The following IGFN1 variants were observed in gnomAD, a reference collection of about 807,000 sequenced individuals.
IGFN1 encodes the protein immunoglobulin-like and fibronectin type III domain-containing protein 1.
In IGFN1, 253 loss-of-function variants were observed where a neutral mutation model predicts 289.5. The ratio of observed to expected loss-of-function variants is 0.87; its 90% CI spans 0.79 to 0.97. The LOEUF is 0.97. Among genes scored for constraint, IGFN1 ranks in the 50% least tolerant of loss-of-function variants. IGFN1 has a pLI of 0.00. For synonymous variants in IGFN1, 1,706 were observed against 1,788.5 expected (o/e 0.95, Z 1.16); for missense variants, 4,470 against 4,686.1 (o/e 0.95, Z 1.35).
chr1:201,227,781 T>C (rs1340548782), intron 23 of IGFN1, among the ~76,000 whole-genome samples: 1 of 152,126 alleles, frequency 6.6e-6, no homozygotes, highest in African/African-American at 2.4e-5. Context: ...CAACTCTTGA[T>C]TGAAGGGCTG....
intron 19 of IGFN1, chr1:201,222,165 T>G (rs958024751): frequency 6.1e-6 from 1 of 164,430 alleles, no homozygotes; most frequent in Non-Finnish European, 1.3e-5. Flanking sequence ...ACGTTCAGAA[T>G]GGGACATGCC....
rs1235207851 is a variant in IGFN1, at chr1:201,212,068, A to G, written c.7175A>G (p.Tyr2392Cys). The stretch of plus-strand genomic sequence containing the variant: ...AAAGCCATGGGTCACAGGTCAGGAT[A>G]TTGGGTAGCATCAGAGGGTGACACG... ...GHKAMGHRSG[Y>C]WVASEGDTNS... The change falls in exon 12 of 24, where the codon TAT becomes TGT. Residue 2392 changes from tyrosine to cysteine, a missense_variant. Transcript: ENST00000335211. The G allele has an allele frequency of 2.0e-6, 3 of 1,536,248 alleles. No homozygotes were observed. The highest frequency in any genetic ancestry group is 2.7e-5 in the African/African-American group (2 of 72,956).
intron 20 of IGFN1, chr1:201,223,248 C>T (rs1012530976): frequency 8.4e-5 from 13 of 153,952 alleles, no homozygotes; most frequent in Non-Finnish European, 1.6e-4. Context: ...CCAACACCAA[C>T]ACCACCTGAC....
rs997451733 is a variant in IGFN1 at position 201,207,425 on chromosome 1, A to G, written c.2532A>G (p.Pro844=). The change falls in exon 12 of 24, where the codon CCA becomes CCG. Residue 844 remains proline (P), a synonymous_variant. Coordinates refer to ENST00000335211, the MANE Select transcript of IGFN1 (RefSeq NM_001164586.2). ...GCACAAGTCCTTGGGATGACACACC[A>G]TCTAGCCTCAGAAAAACTGGGGCCC... is the stretch of plus-strand genomic sequence containing the variant. The part of the protein sequence containing the change: ...SKGTSPWDDT[P]SSLRKTGAHH... 6.5e-7 allele frequency: 1 copy of G among 1,530,482 alleles called. No individual in the cohort carries two copies. The highest frequency in any genetic ancestry group is 2.0e-5 in the Admixed American group (1 of 50,012). 94.8% of individuals were successfully genotyped at this position (1,530,482 alleles called of 1,614,324 possible).
In IGFN1 at chr1:201,207,032, G is replaced by A. The variant is rs1410754089; in HGVS notation, c.2139G>A (p.Gly713=). 1.6e-5 allele frequency: 24 copies of A among 1,536,714 alleles called. No homozygotes were observed. Among genetic ancestry groups the A allele is most frequent in the Non-Finnish European group, 2.0e-5 (23 of 1,146,836 alleles). The change falls in exon 12 of 24, where the codon GGG becomes GGA. Residue 713 remains glycine, a synonymous_variant. Coordinates refer to ENST00000335211, the MANE Select transcript of IGFN1 (RefSeq NM_001164586.2). ...ADYGEARGYW[G]SGELLEQIPG... ...ATGGGGAAGCCAGGGGCTACTGGGG[G>A]TCAGGAGAGTTGCTAGAACAGATAC... is the stretch of plus-strand genomic sequence containing the variant.
In IGFN1 at chr1:201,206,561, A is replaced by AGGAGGCTG; in HGVS notation, c.1679_1686dup (p.Ser563ArgfsTer59). 1 of 1,550,608 alleles carries AGGAGGCTG rather than the reference A, an allele frequency of 6.4e-7. No homozygotes were observed. Among genetic ancestry groups the AGGAGGCTG allele is most frequent in the Non-Finnish European group, 8.7e-7 (1 of 1,146,998 alleles). ...ACAGTGATGAATGCTGGAGGAAAGC[A>AGGAGGCTG]GGAGGCTGGGAGGCTGGGTCCAGTC... On this transcript the variant is annotated frameshift_variant, in exon 12 of 24. Coordinates refer to ENST00000335211, the MANE Select transcript of IGFN1 (RefSeq NM_001164586.2). LOFTEE classifies it high-confidence loss of function.
chr1:201,213,124 C>T lies in IGFN1; in HGVS notation c.8231C>T (p.Pro2744Leu), dbSNP rs1022629992. ...GGAGCCTGGAATGGCTTAGATGGTC[C>T]CTTTGGCAGAAAAGCCTCTAGAGAT... ...PQGAWNGLDG[P>L]FGRKASRDRS... Residue 2744 changes from proline to leucine, a missense_variant, in exon 12 of 24, where the codon CCC becomes CTC. Transcript: ENST00000335211. 11 of 1,551,468 alleles carry T rather than the reference C, an allele frequency of 7.1e-6. No homozygotes were observed. The Admixed American group carries it at 2.2e-4, about 30-fold the overall frequency.
chr1:201,201,417 G>T (rs1667150401), intron 8 of IGFN1, among the ~76,000 whole-genome samples: 2 of 152,192 alleles, frequency 1.3e-5, no homozygotes, highest in South Asian at 4.1e-4. Flanking sequence ...CTAGCACAGA[G>T]CTTTGCACAC....
Position 201,227,153 on chromosome 1 carries a change from T to A in IGFN1, c.11058T>A (p.Ala3686=). ...CGAAGGACAGCGGGGAGTACAAGGCTGTGGCTGAGAACACGCTGGGCCAGG... is the reference window on the plus strand; with the variant it reads ...CGAAGGACAGCGGGGAGTACAAGGCAGTGGCTGAGAACACGCTGGGCCAGG... ...VSPKDSGEYK[A]VAENTLGQAV... is the part of the protein sequence containing the mutation. The change falls in exon 23 of 24, where the codon GCT becomes GCA. Residue 3686 remains alanine, a synonymous_variant. Transcript: ENST00000335211. 1 of 1,612,692 alleles carries A rather than the reference T, an allele frequency of 6.2e-7. No homozygotes were observed. The highest frequency in any genetic ancestry group is 1.1e-5 in the South Asian group (1 of 90,952).
In IGFN1 at chr1:201,208,421, T is replaced by C. The variant is rs988464438; in HGVS notation, c.3528T>C (p.Ser1176=). 3.0e-5 allele frequency: 44 copies of C among 1,446,988 alleles called. No homozygotes were observed. The highest frequency in any genetic ancestry group is 3.8e-5 in the Non-Finnish European group (42 of 1,107,342). The allele number at this position is 1,446,988 out of a possible 1,614,324, so 89.6% of individuals were successfully genotyped here. A position where few individuals can be genotyped will look rare whatever the true frequency, so the allele number is the denominator to read the frequency against. The stretch of plus-strand genomic sequence containing the variant: ...CAAGATGCCCTGGTGCTAAGGCCTC[T>C]GGAGCTGGAGCTGGTTATAGGGATG... ...DGTRCPGAKA[S]GAGAGYRDDT... Residue 1176 remains serine (S), a synonymous_variant, in exon 12 of 24, where the codon TCT becomes TCC. Coordinates refer to ENST00000335211, the MANE Select transcript of IGFN1 (RefSeq NM_001164586.2).
chr1:201,212,047 C>G lies in IGFN1; in HGVS notation c.7154C>G (p.Ala2385Gly). ...GAGGCTGGACCCAGAGGCCATAAAG[C>G]CATGGGTCACAGGTCAGGATATTGG... ...GHEAGPRGHKAMGHRSGYWVA... is the reference protein window; with the variant it reads ...GHEAGPRGHKGMGHRSGYWVA... Residue 2385 changes from alanine (A) to glycine (G), a missense_variant, in exon 12 of 24, where the codon GCC becomes GGC. Coordinates refer to ENST00000335211, the MANE Select transcript of IGFN1 (RefSeq NM_001164586.2). 6.5e-7 allele frequency: 1 copy of G among 1,536,312 alleles called. No individual in the cohort carries two copies. Among genetic ancestry groups the G allele is most frequent in the Non-Finnish European group, 8.7e-7 (1 of 1,146,746 alleles).
In IGFN1 at chr1:201,215,153, G is replaced by C. The variant is rs1296347858; in HGVS notation, c.8994G>C (p.Gln2998His). 6.2e-7 allele frequency: 1 copy of C among 1,612,442 alleles called. No individual in the cohort carries two copies. The highest frequency in any genetic ancestry group is 1.1e-5 in the South Asian group (1 of 90,950). Reference protein sequence around the residue: ...DQQSEATLTVQDSPTIAPDVT... With the variant: ...DQQSEATLTVHDSPTIAPDVT... ...AGAGCGAGGCCACCCTGACCGTCCA[G>C]GGTAAGGCCCAGCCCTGCCCTGCCC... Residue 2998 changes from glutamine to histidine, a missense_variant and splice_region_variant, in exon 14 of 24, where the codon CAG becomes CAC. Transcript: ENST00000335211.
chr1:201,226,863 AC>A lies in IGFN1; in HGVS notation c.10787-15del, dbSNP rs760053505. The A allele has an allele frequency of 1.3e-5, 20 of 1,545,206 alleles. No homozygotes were observed. The highest frequency in any genetic ancestry group is 1.7e-5 in the Non-Finnish European group (19 of 1,143,494). ...CCTCGCTTTCTCACCCTCTTCTCTCACCCCGGCTTTCACCACAGACAGGTTC... is the reference window on the plus strand; with the variant it reads ...CCTCGCTTTCTCACCCTCTTCTCTCACCCGGCTTTCACCACAGACAGGTTC... On this transcript the variant is annotated intron_variant, in intron 22 of 23. Transcript: ENST00000335211.
At position 201,208,476 on chromosome 1, in the gene IGFN1, C is replaced by G; in HGVS notation, c.3583C>G (p.His1195Asp). The change falls in exon 12 of 24, where the codon CAC becomes GAC. Residue 1195 changes from histidine to aspartate, a missense_variant. This residue lies in a region of IGFN1 where 2,011 missense variants were observed against 1,953.4 expected (regional missense o/e 1.03). Transcript: ENST00000335211. ...DTRHPESLAP[H>D]NGAASGSQWA... ...CAGGCACCCTGAGTCACTCGCACCT[C>G]ACAATGGGGCCGCTTCTGGGAGCCA... 6.9e-7 allele frequency: 1 copy of G among 1,446,432 alleles called. No homozygotes were observed. The highest frequency in any genetic ancestry group is 9.0e-7 in the Non-Finnish European group (1 of 1,106,834). 89.6% of individuals were successfully genotyped at this position (1,446,432 alleles called of 1,614,324 possible).
In IGFN1 at chr1:201,195,840, G is replaced by GAAT. The variant is rs1322905398; in HGVS notation, c.131_132insTAA (p.Gly43_Lys44insAsn). 2 of 1,551,056 alleles carry GAAT rather than the reference G, an allele frequency of 1.3e-6. No individual in the cohort carries two copies. Among genetic ancestry groups the GAAT allele is most frequent in the Non-Finnish European group, 1.7e-6 (2 of 1,146,706 alleles). On this transcript the variant is annotated inframe_insertion and splice_region_variant, in exon 4 of 24. Transcript: ENST00000335211. ...CCTACTCGTCTCTTCCTGCTGCAGGGAAAAATGCTGTCTTTCGGGCTGTGG... is the reference window on the plus strand; with the variant it reads ...CCTACTCGTCTCTTCCTGCTGCAGGGAATAAAAATGCTGTCTTTCGGGCTGTGG...
intron 21 of IGFN1, among the ~76,000 whole-genome samples, chr1:201,225,402 G>T (rs1353058532): frequency 1.3e-5 from 2 of 152,172 alleles, no homozygotes; most frequent in Admixed American, 1.3e-4. Flanking sequence ...AAAAACTGAA[G>T]TGAATTCAGT....
rs144698695 is a variant in IGFN1, at chr1:201,216,620, C to T, written c.9462C>T (p.Ala3154=). 62 of 1,613,788 alleles carry T rather than the reference C, an allele frequency of 3.8e-5. No homozygotes were observed. Among genetic ancestry groups the T allele is most frequent in the Non-Finnish European group, 5.0e-5 (59 of 1,179,902 alleles). Residue 3154 remains alanine, a synonymous_variant, in exon 16 of 24, where the codon GCC becomes GCT. Coordinates refer to ENST00000335211, the MANE Select transcript of IGFN1 (RefSeq NM_001164586.2). ...GCACTTGGCTGAAGGTGGGCGAGGCCCCCGCTGACAGCACCACCTTCACGG... is the reference window on the plus strand; with the variant it reads ...GCACTTGGCTGAAGGTGGGCGAGGCTCCCGCTGACAGCACCACCTTCACGG... ...GRSTWLKVGE[A]PADSTTFTDA...
chr1:201,192,398 C>T (rs941008470), intron 1 of IGFN1, among the ~76,000 whole-genome samples: 2 of 152,176 alleles, frequency 1.3e-5, no homozygotes, highest in African/African-American at 4.8e-5. Context: ...TCCCCCCTCC[C>T]TGATTTATGG....
intron 20 of IGFN1, chr1:201,223,158 C>G (rs919850670): frequency 4.9e-6 from 1 of 205,138 alleles, no homozygotes; most frequent in East Asian, 1.2e-4. Flanking sequence ...GGGAGCCGGT[C>G]GTGCAGATGA....
Sources: allele counts gnomAD v4.1 joint callset (sites outside exome capture counted in the v4.1 genomes callset), GRCh38; gene constraint gnomAD v4.1.1; regional missense constraint gnomAD v4.1.1; transcripts MANE v1.5; gene names NCBI Gene and HGNC (gene_info 2026-07-23, HGNC 2026-07-21).